Variants in CATSPERD observed in about 807,000 individuals in gnomAD.
CATSPERD encodes the protein catsper channel auxiliary subunit delta, also known as cation channel sperm-associated auxiliary subunit delta.
In CATSPERD, 86 loss-of-function variants were observed where a neutral mutation model predicts 98.1. That is an observed-to-expected ratio of 0.88 (90% confidence interval 0.74 to 1.05). The LOEUF (loss-of-function observed/expected upper bound fraction) is 1.05. Among genes scored for constraint, CATSPERD ranks in the 50% least tolerant of loss-of-function variants. The pLI, the probability that CATSPERD is intolerant of heterozygous loss-of-function variation, is 0.00. For missense variants in CATSPERD, 995 were observed against 1,005.7 expected, an observed-to-expected ratio of 0.99 and a Z score of 0.14; for synonymous variants, 394 against 390.2, an observed-to-expected ratio of 1.01 and a Z score of -0.12.
At chr19:5,751,112 C>T (rs2056204671) in intron 11 of CATSPERD, among the ~76,000 whole-genome samples, 2 of 141,440 alleles carry the variant, frequency 1.4e-5, no homozygotes, top group Non-Finnish European at 1.5e-5. Context: ...TCAGGAGAAT[C>T]GCTTGAACCC....
intron 14 of CATSPERD, 140 bp from the exon 15 acceptor site, chr19:5,758,946 A>G (rs977073477): frequency 3.4e-6 from 2 of 585,564 alleles, no homozygotes; most frequent in African/African-American, 1.9e-5. Flanking sequence ...AAAAAAAAAA[A>G]GGAACAGAGT....
In CATSPERD at chr19:5,778,507, C is replaced by T. The variant is rs773021612; in HGVS notation, c.2228C>T (p.Thr743Ile). 6.2e-7 allele frequency: 1 copy of T among 1,613,834 alleles called. No homozygotes were observed. ...ILGSVWLAYK[T>I]PKLLRTARGR... The stretch of plus-strand genomic sequence containing the variant: ...GGGTCCGTTTGGCTGGCCTACAAGA[C>T]CCCCAAGCTGCTACGCACAGCACGC... The change falls in exon 22 of 22, where the codon ACC becomes ATC. Residue 743 changes from threonine to isoleucine, a missense_variant. This residue lies in a region of CATSPERD where 762 missense variants were observed against 773.7 expected (regional missense o/e 0.98). Coordinates refer to ENST00000381624, the MANE Select transcript of CATSPERD (RefSeq NM_152784.4).
At position 5,739,421 on chromosome 19, in the gene CATSPERD, G is replaced by T. The variant is rs751121808; in HGVS notation, c.555G>T (p.Lys185Asn). 2.6e-6 allele frequency: 4 copies of T among 1,532,060 alleles called. No homozygotes were observed. Among genetic ancestry groups the T allele is most frequent in the South Asian group, 1.2e-5 (1 of 84,036 alleles). 94.9% of individuals were successfully genotyped at this position (1,532,060 alleles called of 1,614,324 possible). A position where few individuals can be genotyped will look rare whatever the true frequency, so the allele number is the denominator to read the frequency against. The change falls in exon 7 of 22, where the codon AAG becomes AAT. Residue 185 changes from lysine to asparagine, a missense_variant. Lys to Asn is a moderately conservative substitution (Grantham distance 94). Transcript: ENST00000381624. ...ATACTGGGGGATTCAGTTTTTGGAAGTATCACTATGACAGACAGGTATGTT... is the reference window on the plus strand; with the variant it reads ...ATACTGGGGGATTCAGTTTTTGGAATTATCACTATGACAGACAGGTATGTT... ...YSNTGGFSFW[K>N]YHYDRQAEII...
intron 4 of CATSPERD, among the ~76,000 whole-genome samples, 156 bp from the exon 5 acceptor site, chr19:5,733,700 C>T (rs1371727031): frequency 6.6e-6 from 1 of 152,066 alleles, no homozygotes; most frequent in Non-Finnish European, 1.5e-5. Context: ...CGGTGATCTA[C>T]CCGCCTTGGC....
chr19:5,765,335 G>A (rs2056516497), intron 16 of CATSPERD, among the ~76,000 whole-genome samples: 2 of 152,160 alleles, frequency 1.3e-5, no homozygotes, highest in Admixed American at 1.3e-4. Context: ...CCCTAAGGCT[G>A]TAGAGTAACC....
At chr19:5,776,386 G>A in intron 21 of CATSPERD, 71 bp downstream of exon 21, 2 of 1,550,508 alleles carry the variant, frequency 1.3e-6, no homozygotes, top group Non-Finnish European at 1.8e-6. Flanking sequence ...CCGTTTCGGG[G>A]GACATGCAGG....
chr19:5,777,327 GT>G (rs1266186663), intron 21 of CATSPERD, among the ~76,000 whole-genome samples: 2 of 151,992 alleles, frequency 1.3e-5, no homozygotes, highest in Non-Finnish European at 2.9e-5. Context: ...GAGGAGACAT[GT>G]GTGGGACTCT....
chr19:5,733,263 G>C (rs1035675828), intron 4 of CATSPERD, among the ~76,000 whole-genome samples: 8 of 151,366 alleles, frequency 5.3e-5, no homozygotes, highest in African/African-American at 1.7e-4. Context: ...CAAAATGCTG[G>C]GATTATAGGT....
At chr19:5,771,909 G>A (rs1322424994) in intron 19 of CATSPERD, among the ~76,000 whole-genome samples, 2 of 151,946 alleles carry the variant, frequency 1.3e-5, no homozygotes, top group Non-Finnish European at 2.9e-5. Context: ...TATCAGATCA[G>A]GGCCCACCCT....
intron 11 of CATSPERD, among the ~76,000 whole-genome samples, chr19:5,750,010 T>G (rs984306486): frequency 2.0e-5 from 3 of 151,012 alleles, no homozygotes; most frequent in Non-Finnish European, 4.4e-5. Flanking sequence ...CACCATATTG[T>G]CCAGGCTGGT....
intron 9 of CATSPERD, among the ~76,000 whole-genome samples, chr19:5,746,635 G>A (rs950089348): frequency 3.3e-5 from 5 of 151,474 alleles, no homozygotes; most frequent in African/African-American, 1.2e-4. Flanking sequence ...GGGTTTCACC[G>A]TGTTAGCCAG....
Position 5,748,171 on chromosome 19 carries a change from G to C in CATSPERD, c.820G>C (p.Asp274His). Residue 274 changes from aspartate (D) to histidine (H), a missense_variant, in exon 10 of 22, where the codon GAC (aspartate) becomes CAC (histidine). Coordinates refer to ENST00000381624, the MANE Select transcript of CATSPERD (RefSeq NM_152784.4). Reference sequence around the variant, plus strand: ...CTGTTACCTCCTAGGTCAGCTCGTCGACACCGTCCGGGTGAAAAAAGGAGA... The same window carrying C: ...CTGTTACCTCCTAGGTCAGCTCGTCCACACCGTCCGGGTGAAAAAAGGAGA... ...LFSHNAGQLV[D>H]TVRVKKGDQT... The C allele has an allele frequency of 6.2e-7, 1 of 1,613,792 alleles. No individual in the cohort carries two copies. The highest frequency in any genetic ancestry group is 8.5e-7 in the Non-Finnish European group (1 of 1,179,868).
chr19:5,762,058 A>ATATATATATGTATTATTTTTTTTT, intron 15 of CATSPERD, among the ~76,000 whole-genome samples: 1 of 10,442 alleles, frequency 9.6e-5, no homozygotes, highest in Non-Finnish European at 1.8e-4. Flanking sequence ...ATATATATAT[A>ATATATATATGTATTATTTTTTTTT]TTTTTTTTTT....
intron 1 of CATSPERD, among the ~76,000 whole-genome samples, chr19:5,723,625 G>A (rs1168259050): frequency 1.3e-5 from 2 of 150,880 alleles, no homozygotes; most frequent in East Asian, 3.9e-4. Context: ...AACCACGCCC[G>A]GCTAATTTTT....
At chr19:5,744,125 G>A (rs998000807) in intron 7 of CATSPERD, among the ~76,000 whole-genome samples, 173 of 151,640 alleles carry the variant, frequency 1.1e-3, no homozygotes, top group Admixed American at 0.011. Context: ...GATTACAGGC[G>A]CCTACCACCA....
chr19:5,745,062 C>G (rs1219344149), intron 8 of CATSPERD, among the ~76,000 whole-genome samples: 1 of 151,886 alleles, frequency 6.6e-6, no homozygotes, highest in Non-Finnish European at 1.5e-5. Flanking sequence ...TGTGCTTCAG[C>G]CTCCTGAATA....
At chr19:5,748,109 C>T (rs1350941128) in intron 9 of CATSPERD, 51 bp from the exon 10 acceptor site, 1 of 1,493,276 alleles carries the variant, frequency 6.7e-7, no homozygotes, top group South Asian at 1.1e-5. Flanking sequence ...TAGACATCCC[C>T]TTTCCCAGGA....
chr19:5,752,008 T>C (rs1461530668), intron 12 of CATSPERD, among the ~76,000 whole-genome samples, 185 bp downstream of exon 12: 1 of 151,362 alleles, frequency 6.6e-6, no homozygotes, highest in Non-Finnish European at 1.5e-5. Context: ...AAAAAAAAAT[T>C]TTTTTTTAAA....
In CATSPERD at chr19:5,772,790, G is replaced by T; in HGVS notation, c.1766G>T (p.Trp589Leu). 6.2e-7 allele frequency: 1 copy of T among 1,613,416 alleles called. No individual in the cohort carries two copies. The highest frequency in any genetic ancestry group is 8.5e-7 in the Non-Finnish European group (1 of 1,179,612). The change falls in exon 20 of 22, where the codon TGG becomes TTG. Residue 589 changes from tryptophan (W) to leucine (L), a missense_variant and splice_region_variant. By Grantham distance (61) the Trp-to-Leu change is moderately conservative. Transcript: ENST00000381624. ...CCTGCCCCGTGCCTGTGTCCTAGGT[G>T]GCGAAAAGACAGTTTCCAGGAGGTC... is the stretch of plus-strand genomic sequence containing the variant. ...DTLWKPVVEL[W>L]RKDSFQEVID... is the part of the protein sequence containing the mutation.
Sources: allele counts gnomAD v4.1 joint callset (sites outside exome capture counted in the v4.1 genomes callset), GRCh38; gene constraint gnomAD v4.1.1; regional missense constraint gnomAD v4.1.1; transcripts MANE v1.5; gene names NCBI Gene and HGNC (gene_info 2026-07-23, HGNC 2026-07-21).